HMCN1: variants seen among roughly 807,000 people sequenced by gnomAD.
The protein encoded by HMCN1 is hemicentin-1.
A neutral mutation model predicts 625.9 loss-of-function variants in HMCN1; 321 were observed. That is an observed-to-expected ratio of 0.51 (90% CI 0.47 to 0.56). The LOEUF is 0.56. HMCN1 is among the 20% of genes least tolerant of loss of function. HMCN1 has a pLI of 0.00. For synonymous variants in HMCN1, 2,425 were observed against 2,417.6 expected (o/e 1.00, Z -0.09); for missense variants, 6,588 against 6,887.3 (o/e 0.96, Z 1.54).
chr1:185,887,655 G>T (rs561928297), intron 4 of HMCN1, among the ~76,000 whole-genome samples: 6,072 of 146,196 alleles, frequency 0.042, 183 homozygotes, highest in Non-Finnish European at 0.056. Context: ...TTTTATGACT[G>T]CATAGTATTC....
intron 1 of HMCN1, among the ~76,000 whole-genome samples, chr1:185,767,770 A>G (rs1483436041): frequency 1.3e-5 from 2 of 152,216 alleles, no homozygotes; most frequent in Admixed American, 6.5e-5. Flanking sequence ...ATAATAGATC[A>G]TATTTCATAT....
rs770164562 is a variant in HMCN1 at position 186,003,858 on chromosome 1, C to A, written c.4475+14C>A. 1 of 1,612,264 alleles carries A rather than the reference C, an allele frequency of 6.2e-7. No homozygotes were observed. Among genetic ancestry groups the A allele is most frequent in the South Asian group, 1.1e-5 (1 of 91,046 alleles). On this transcript the variant is annotated intron_variant, in intron 29 of 106. Coordinates refer to ENST00000271588, the MANE Select transcript of HMCN1 (RefSeq NM_031935.3). The stretch of plus-strand genomic sequence containing the variant: ...CAAAGATGGCAAGTGAGTATCTTTT[C>A]TGTATTTGTTGCAAGGTTTCAATGA...
At chr1:186,069,975 A>G (rs1029646585) in intron 51 of HMCN1, among the ~76,000 whole-genome samples, 199 bp downstream of exon 51, 1 of 152,190 alleles carries the variant, frequency 6.6e-6, no homozygotes, top group Non-Finnish European at 1.5e-5. Context: ...AGAGCCTACT[A>G]AATCTGCTCA....
chr1:185,909,223 C>T, intron 4 of HMCN1, 114 bp from the exon 5 acceptor site: 1 of 770,062 alleles, frequency 1.3e-6, no homozygotes, highest in South Asian at 1.5e-5. Flanking sequence ...ATAAATTTCA[C>T]ACCAGTCCAG....
At chr1:185,970,859 C>A (rs576590042) in intron 15 of HMCN1, among the ~76,000 whole-genome samples, 7 of 151,902 alleles carry the variant, frequency 4.6e-5, no homozygotes, top group Non-Finnish European at 8.8e-5. Flanking sequence ...GGGGTTTCAC[C>A]ATGTTGGCCA....
At chr1:185,931,384 C>T (rs919357936) in intron 10 of HMCN1, among the ~76,000 whole-genome samples, 7 of 152,082 alleles carry the variant, frequency 4.6e-5, no homozygotes, top group South Asian at 2.1e-4. Flanking sequence ...GTAATTCTCC[C>T]GCATCACTCC....
In HMCN1 at chr1:186,137,991, T is replaced by C; in HGVS notation, c.13924+19T>C. On this transcript the variant is annotated intron_variant, in intron 89 of 106. Coordinates refer to ENST00000271588, the MANE Select transcript of HMCN1 (RefSeq NM_031935.3). ...TGCCCAGGTGAGAAACCACCAATAA[T>C]GCTAAGATAAACAAAACTTTTCTAT... is the stretch of plus-strand genomic sequence containing the variant. 1 of 1,613,624 alleles carries C rather than the reference T, an allele frequency of 6.2e-7. No homozygotes were observed. The highest frequency in any genetic ancestry group is 8.5e-7 in the Non-Finnish European group (1 of 1,179,788).
In HMCN1 at chr1:185,970,511, A is replaced by G. The variant is rs1307536462; in HGVS notation, c.2371+18A>G. 6.2e-7 allele frequency: 1 copy of G among 1,601,346 alleles called. No homozygotes were observed. Among genetic ancestry groups the G allele is most frequent in the East Asian group, 2.2e-5 (1 of 44,806 alleles). On this transcript the variant is annotated intron_variant, in intron 15 of 106. Transcript: ENST00000271588. The stretch of plus-strand genomic sequence containing the variant: ...TGTTGGCTGTAAGCCTCCAGATCTT[A>G]TAGGCCAATTTGTTTAGAAATTGAT...
intron 6 of HMCN1, among the ~76,000 whole-genome samples, chr1:185,914,142 T>C (rs2102460154): frequency 6.6e-6 from 1 of 152,230 alleles, no homozygotes; most frequent in Non-Finnish European, 1.5e-5. Context: ...AACTTAAAAA[T>C]AACAAACTTA....
chr1:186,063,066 GCATATATATATATA>G (rs1428969632), intron 48 of HMCN1, among the ~76,000 whole-genome samples: 5 of 29,944 alleles, frequency 1.7e-4, no homozygotes, highest in Admixed American at 1.6e-3. Context: ...GTGTGTGTGT[GCATATATATATATA>G]TATATATATA....
At chr1:186,011,782 T>A (rs755966504) in intron 30 of HMCN1, among the ~76,000 whole-genome samples, 1 of 152,312 alleles carries the variant, frequency 6.6e-6, no homozygotes, top group South Asian at 2.1e-4. Context: ...ACTACCATGG[T>A]ATATAGTTTG....
chr1:186,102,993 T>A (rs1660451306), intron 68 of HMCN1, among the ~76,000 whole-genome samples: 1 of 152,186 alleles, frequency 6.6e-6, no homozygotes, highest in African/African-American at 2.4e-5. Context: ...TGTAACTATT[T>A]TTTCTTCTGC....
intron 11 of HMCN1, among the ~76,000 whole-genome samples, chr1:185,939,003 G>C (rs1330672379): frequency 1.3e-5 from 2 of 151,808 alleles, no homozygotes; most frequent in African/African-American, 4.8e-5. Flanking sequence ...AATATTCAAG[G>C]GTTCAGGAAA....
intron 1 of HMCN1, among the ~76,000 whole-genome samples, chr1:185,779,432 C>T (rs1282513181): frequency 1.3e-5 from 2 of 152,158 alleles, no homozygotes; most frequent in African/African-American, 4.8e-5. Flanking sequence ...ACGCCTATGT[C>T]CTGAATGGTA....
In HMCN1 at chr1:185,838,290, C is replaced by T. The variant is rs545699723; in HGVS notation, c.269-7736C>T. 1.3e-4 allele frequency among the ~76,000 whole-genome samples: 20 copies of T among 152,266 alleles called. No homozygotes were observed. In the South Asian group the frequency reaches 1.7e-3, roughly 13 times the overall value. On this transcript the variant is annotated intron_variant, in intron 1 of 106. Transcript: ENST00000271588. Reference sequence around the variant, plus strand: ...ACCCCCAGGGATCTGTAAGCCTCAGCGCTGAGGTGTGCTTGGTAGCTGGGT... The same window carrying T: ...ACCCCCAGGGATCTGTAAGCCTCAGTGCTGAGGTGTGCTTGGTAGCTGGGT...
chr1:186,144,683 G>A lies in HMCN1; in HGVS notation c.14246G>A (p.Cys4749Tyr). ...CEGSDVQSDF[C>Y]NSDPCPTHGN... ...GGGAGTGATGTCCAGAGTGATTTTTGCAACAGTGACCCTTGCCCAAGTGAG... is the reference window on the plus strand; with the variant it reads ...GGGAGTGATGTCCAGAGTGATTTTTACAACAGTGACCCTTGCCCAAGTGAG... The change falls in exon 91 of 107, where the codon TGC becomes TAC. Residue 4749 changes from cysteine (C) to tyrosine (Y), a missense_variant. Cys to Tyr is a radical substitution (Grantham distance 194, BLOSUM62 -2). Around this residue, in one of 3 missense-constraint regions of HMCN1, gnomAD observed 1,954 missense variants for 2,013.1 expected, o/e 0.97. Coordinates refer to ENST00000271588, the MANE Select transcript of HMCN1 (RefSeq NM_031935.3). 1.2e-6 allele frequency: 2 copies of A among 1,614,096 alleles called. No homozygotes were observed. Among genetic ancestry groups the A allele is most frequent in the Non-Finnish European group, 1.7e-6 (2 of 1,179,986 alleles).
intron 1 of HMCN1, among the ~76,000 whole-genome samples, chr1:185,774,258 A>G (rs1656447561): frequency 6.6e-6 from 1 of 152,164 alleles, no homozygotes; most frequent in South Asian, 2.1e-4. Flanking sequence ...GATGAAATAA[A>G]TAGATGTGAT....
chr1:186,185,886 C>T (rs940793693), intron 105 of HMCN1, among the ~76,000 whole-genome samples: 1 of 152,104 alleles, frequency 6.6e-6, no homozygotes, highest in African/African-American at 2.4e-5. Context: ...GTCATTTTTC[C>T]CTCTTGTATC....
intron 86 of HMCN1, among the ~76,000 whole-genome samples, chr1:186,135,166 C>T (rs759377203): frequency 2.1e-4 from 32 of 152,174 alleles, no homozygotes; most frequent in Admixed American, 5.9e-4. Context: ...CCAATATAGA[C>T]GTAAACATTC....
Sources: gnomAD v4.1 joint callset for allele counts (sites outside exome capture counted in the v4.1 genomes callset) on GRCh38, gnomAD v4.1.1 for gene constraint, gnomAD v4.1.1 regional missense constraint, MANE v1.5 for transcripts, NCBI Gene and HGNC (gene_info 2026-07-23, HGNC 2026-07-21) for gene names.